The following ATXN7L1 variants were observed in gnomAD, a reference collection of about 807,000 sequenced individuals.
ATXN7L1 encodes the protein ataxin-7-like protein 1.
Under a neutral mutation model 70.8 loss-of-function variants are expected in ATXN7L1, and 15 were observed. That is an observed-to-expected ratio of 0.21 (90% CI 0.14 to 0.33). ATXN7L1 has a LOEUF of 0.33. ATXN7L1 is among the 10% of genes least tolerant of loss of function. The pLI is 1.00. For missense variants in ATXN7L1, 975 were observed against 1,097.1 expected (o/e 0.89, Z 1.57); for synonymous variants, 440 against 445.1 (o/e 0.99, Z 0.14).
intron 7 of ATXN7L1, among the ~76,000 whole-genome samples, chr7:105,632,300 G>A (rs183826615): frequency 5.3e-5 from 8 of 152,260 alleles, no homozygotes; most frequent in African/African-American, 1.7e-4. Context: ...TCTGAAAAAC[G>A]ATAGTATCTT....
chr7:105,671,269 G>T (rs1803624571), intron 3 of ATXN7L1, among the ~76,000 whole-genome samples: 1 of 144,818 alleles, frequency 6.9e-6, no homozygotes, highest in Non-Finnish European at 1.5e-5. Context: ...ACAACAGAGT[G>T]AGACTCCGTC....
intron 3 of ATXN7L1, among the ~76,000 whole-genome samples, chr7:105,745,983 CCCCTGCTTTT>C (rs1410589649): frequency 3.2e-4 from 48 of 152,312 alleles, no homozygotes; most frequent in Admixed American, 1.4e-3. Context: ...TTTCTCCCTT[CCCCTGCTTTT>C]CCCTGTCTCA....
intron 2 of ATXN7L1, among the ~76,000 whole-genome samples, chr7:105,845,432 G>C (rs546206231): frequency 2.0e-5 from 3 of 150,844 alleles, no homozygotes; most frequent in Non-Finnish European, 3.0e-5. Flanking sequence ...ATGTTCATGC[G>C]TTGGAAGACC....
At chr7:105,796,827 G>A (rs1175458017) in intron 2 of ATXN7L1, among the ~76,000 whole-genome samples, 2 of 152,162 alleles carry the variant, frequency 1.3e-5, no homozygotes, top group Non-Finnish European at 2.9e-5. Flanking sequence ...CTGACAGAAT[G>A]ATTTTATTTG....
chr7:105,676,478 C>T lies in ATXN7L1; in HGVS notation c.356-11190G>A, dbSNP rs566502755. Reference sequence around the variant, plus strand: ...TATGGCAGACAGCTGGACCTGGGCACGGGGGAGCCACAGACCCCAGGATCT... The same window carrying T: ...TATGGCAGACAGCTGGACCTGGGCATGGGGGAGCCACAGACCCCAGGATCT... On this transcript the variant is annotated intron_variant, in intron 3 of 11. Coordinates refer to ENST00000419735, the MANE Select transcript of ATXN7L1 (RefSeq NM_020725.2). Among the ~76,000 whole-genome samples, 194 of 152,236 alleles carry T rather than the reference C, an allele frequency of 1.3e-3. 1 individual carries two copies. The highest frequency in any genetic ancestry group is 4.4e-3 in the African/African-American group (184 of 41,528).
Position 105,614,388 on chromosome 7 carries a change from G to C in ATXN7L1, c.1946C>G (p.Ser649Cys), listed in dbSNP as rs1289803324. The C allele has an allele frequency of 1.3e-6, 2 of 1,552,230 alleles. No individual in the cohort carries two copies. Among genetic ancestry groups the C allele is most frequent in the African/African-American group, 2.7e-5 (2 of 73,060 alleles). ...SPSNKKRKPQ[S>C]STSSSSSSSS... ...GGAGGAGGAGGAGGAGGAAGTCGAAGACTGTGGCTTCCTTTTTTTGTTACT... is the reference window on the plus strand; with the variant it reads ...GGAGGAGGAGGAGGAGGAAGTCGAACACTGTGGCTTCCTTTTTTTGTTACT... The change falls in exon 10 of 12, where the codon TCT (serine) becomes TGT (cysteine). Residue 649 changes from serine (S) to cysteine (C), a missense_variant. By Grantham distance (112) the Ser-to-Cys change is moderately radical (BLOSUM62 -1). This residue lies in a region of ATXN7L1 where 635 missense variants were observed against 699.4 expected (regional missense o/e 0.91). Transcript: ENST00000419735. This position sits in a 1 kb window ranked among gnomAD's most constrained non-coding sequence, Gnocchi z 4.3.
chr7:105,619,518 ATATATATATATATTTTTTTTTT>A (rs1794546551), intron 9 of ATXN7L1, among the ~76,000 whole-genome samples: 1 of 28,894 alleles, frequency 3.5e-5, no homozygotes. Context: ...ATATATATAT[ATATATATATATATTTTTTTTTT>A]TTTTTTTTTT....
rs541064054 is a variant in ATXN7L1, at chr7:105,856,483, G to A, written c.250+19329C>T. Among the ~76,000 whole-genome samples, 13 of 151,938 alleles carry A rather than the reference G, an allele frequency of 8.6e-5. 1 individual carries two copies. The East Asian group carries it at 2.5e-3, about 29-fold the overall frequency. ...AGCCTGTAATTCCAGATACTCGGGAGGCTGAGGCAGGAGAATCGCTGGAAC... is the reference window on the plus strand; with the variant it reads ...AGCCTGTAATTCCAGATACTCGGGAAGCTGAGGCAGGAGAATCGCTGGAAC... On this transcript the variant is annotated intron_variant, in intron 2 of 11. Coordinates refer to ENST00000419735, the MANE Select transcript of ATXN7L1 (RefSeq NM_020725.2).
intron 3 of ATXN7L1, among the ~76,000 whole-genome samples, chr7:105,682,716 T>C (rs550561393): frequency 6.6e-6 from 1 of 152,136 alleles, no homozygotes; most frequent in Admixed American, 6.5e-5. Flanking sequence ...TCCATTTAAA[T>C]GAAATGTCCA....
chr7:105,859,406 CATACAT>C (rs1191952994), intron 2 of ATXN7L1, among the ~76,000 whole-genome samples: 5 of 152,074 alleles, frequency 3.3e-5, no homozygotes, highest in Admixed American at 6.6e-5. Context: ...TATATATACA[CATACAT>C]ATACATATAC....
intron 3 of ATXN7L1, among the ~76,000 whole-genome samples, chr7:105,719,424 G>A (rs1352735147): frequency 6.6e-6 from 1 of 152,132 alleles, no homozygotes; most frequent in Admixed American, 6.5e-5. Context: ...ATAGTGTAAG[G>A]GTTTCCTTAT....
chr7:105,801,020 G>A (rs1405598060), intron 2 of ATXN7L1, among the ~76,000 whole-genome samples: 2 of 152,106 alleles, frequency 1.3e-5, no homozygotes, highest in East Asian at 3.9e-4. Flanking sequence ...CCACCTACTT[G>A]GGAAATTTCT....
chr7:105,629,494 GTAT>G (rs983479274), intron 7 of ATXN7L1, among the ~76,000 whole-genome samples: 15 of 147,596 alleles, frequency 1.0e-4, no homozygotes, highest in African/African-American at 3.7e-4. Flanking sequence ...TTATATATAT[GTAT>G]TATTATTATT....
chr7:105,616,413 T>C (rs970258565), intron 9 of ATXN7L1, among the ~76,000 whole-genome samples: 7 of 152,218 alleles, frequency 4.6e-5, no homozygotes, highest in Non-Finnish European at 1.0e-4. Flanking sequence ...ATCTTTAGGG[T>C]AGAATCCAGA....
At chr7:105,639,344 G>A (rs112351920) in intron 6 of ATXN7L1, 143 bp downstream of exon 6, 1 of 529,420 alleles carries the variant, frequency 1.9e-6, no homozygotes, top group Non-Finnish European at 3.3e-6. Flanking sequence ...TACCATGGAC[G>A]AGAAGAAAGC....
At chr7:105,658,816 G>A (rs1369185705) in intron 4 of ATXN7L1, among the ~76,000 whole-genome samples, 7 of 151,274 alleles carry the variant, frequency 4.6e-5, no homozygotes, top group Non-Finnish European at 1.0e-4. Flanking sequence ...TTACAGGCAT[G>A]AGCCACCATG....
At chr7:105,756,210 A>G (rs1452034108) in intron 3 of ATXN7L1, among the ~76,000 whole-genome samples, 3 of 152,070 alleles carry the variant, frequency 2.0e-5, no homozygotes, top group East Asian at 3.9e-4. Context: ...ATGCATGCCA[A>G]TATGTCCAAA....
chr7:105,730,786 A>G (rs1201801242), intron 3 of ATXN7L1, among the ~76,000 whole-genome samples: 1 of 152,176 alleles, frequency 6.6e-6, no homozygotes, highest in East Asian at 1.9e-4. Context: ...ACTAAATGTA[A>G]GTTGGTGCCC....
Position 105,815,829 on chromosome 7 carries a change from C to T in ATXN7L1, c.251-27121G>A, listed in dbSNP as rs1375027703. ...AGGCTGGAGCAGGAGGTGGAAGATT[C>T]GGGAGCTGGGGACCGAGAGTTCACA... On this transcript the variant is annotated intron_variant, in intron 2 of 11. Coordinates refer to ENST00000419735, the MANE Select transcript of ATXN7L1 (RefSeq NM_020725.2). Among the ~76,000 whole-genome samples, 4 of 152,178 alleles carry T rather than the reference C, an allele frequency of 2.6e-5. No homozygotes were observed. The East Asian group carries it at 7.7e-4, about 29-fold the overall frequency.
Sources: gnomAD v4.1 joint callset for allele counts (sites outside exome capture counted in the v4.1 genomes callset) on GRCh38, gnomAD v4.1.1 for gene constraint, gnomAD v4.1.1 regional missense constraint, Gnocchi (gnomAD v3.1) non-coding constraint, MANE v1.5 for transcripts, NCBI Gene and HGNC (gene_info 2026-07-23, HGNC 2026-07-21) for gene names.